The following MYO7B variants were observed in gnomAD, a reference collection of about 807,000 sequenced individuals.
The protein encoded by MYO7B is myosin VIIB, also known as unconventional myosin-VIIb.
MYO7B carries 212 observed loss-of-function variants against 259.7 expected under a neutral mutation model. The ratio of observed to expected loss-of-function variants is 0.82; its 90% CI spans 0.73 to 0.91. MYO7B has a LOEUF of 0.91. MYO7B is among the 40% of genes least tolerant of loss of function. The pLI is 0.00. For missense variants in MYO7B, 2,732 were observed against 2,813.5 expected, an observed-to-expected ratio of 0.97 and a Z score of 0.66; for synonymous variants, 1,197 against 1,166.4, an observed-to-expected ratio of 1.03 and a Z score of -0.54.
intron 18 of MYO7B, among the ~76,000 whole-genome samples, chr2:127,595,165 C>G (rs1679713206): frequency 6.6e-6 from 1 of 152,138 alleles, no homozygotes; most frequent in Non-Finnish European, 1.5e-5. Flanking sequence ...CTGATCTATT[C>G]AGGGATTCAC....
At chr2:127,608,995 T>C in intron 22 of MYO7B, 117 bp downstream of exon 22, 1 of 1,327,826 alleles carries the variant, frequency 7.5e-7, no homozygotes, top group Non-Finnish European at 1.0e-6. Context: ...GCCAAGTGTG[T>C]GCTGCAGCCC....
In MYO7B at chr2:127,597,412, C is replaced by G. The variant is rs1471566988; in HGVS notation, c.2339+856C>G. Among the ~76,000 whole-genome samples the G allele has an allele frequency of 6.6e-6, 1 of 152,162 alleles. No homozygotes were observed. The highest frequency in any genetic ancestry group is 1.5e-5 in the Non-Finnish European group (1 of 68,030). On this transcript the variant is annotated intron_variant, in intron 19 of 47. Coordinates refer to ENST00000409816, the MANE Select transcript of MYO7B (RefSeq NM_001393586.1). This position sits in a 1 kb window ranked among gnomAD's most constrained non-coding sequence, Gnocchi z 4.8. ...TTACCACCAGGATTCCTTCTGCGGC[C>G]TTGTTTAGCCACGCCCCCTCCCTCA... is the stretch of plus-strand genomic sequence containing the variant.
Position 127,627,179 on chromosome 2 carries a change from G to A in MYO7B, c.4334-5G>A, listed in dbSNP as rs1421391411. 1 of 1,606,714 alleles carries A rather than the reference G, an allele frequency of 6.2e-7. No homozygotes were observed. The highest frequency in any genetic ancestry group is 8.5e-7 in the Non-Finnish European group (1 of 1,176,818). On this transcript the variant is annotated splice_region_variant and splice_polypyrimidine_tract_variant and intron_variant, in intron 32 of 47. Transcript: ENST00000409816. This position sits in a 1 kb window ranked among gnomAD's most constrained non-coding sequence, Gnocchi z 5.6. ...AGCCTTCACACTGCCGTCTCTCCTG[G>A]CCAGGCCCCCGCCTGCCCAAGACGC...
chr2:127,570,060 G>A, intron 6 of MYO7B, 150 bp downstream of exon 6: 2 of 1,015,578 alleles, frequency 2.0e-6, no homozygotes, highest in Non-Finnish European at 2.7e-6. Flanking sequence ...GGGGTGCATG[G>A]TAGGGGAAGG....
chr2:127,612,668 A>T, intron 26 of MYO7B, 65 bp downstream of exon 26: 1 of 1,569,250 alleles, frequency 6.4e-7, no homozygotes, highest in Non-Finnish European at 8.6e-7. Flanking sequence ...CTCTCAGCCC[A>T]TGGCCACAGC....
At chr2:127,561,805 A>C (rs1678096553) in intron 2 of MYO7B, among the ~76,000 whole-genome samples, 2 of 152,214 alleles carry the variant, frequency 1.3e-5, no homozygotes, top group African/African-American at 4.8e-5. Flanking sequence ...GGACTGCCAT[A>C]ACAAGGTATC....
At chr2:127,602,497 C>T (rs1322896237) in intron 19 of MYO7B, among the ~76,000 whole-genome samples, 1 of 151,840 alleles carries the variant, frequency 6.6e-6, no homozygotes, top group African/African-American at 2.4e-5. Flanking sequence ...AAGAAAAATA[C>T]AAAAATTATC....
At position 127,623,239 on chromosome 2, in the gene MYO7B, T is replaced by C; in HGVS notation, c.3683T>C (p.Ile1228Thr). 1 of 1,613,656 alleles carries C rather than the reference T, an allele frequency of 6.2e-7. No homozygotes were observed. Among genetic ancestry groups the C allele is most frequent in the Non-Finnish European group, 8.5e-7 (1 of 1,179,782 alleles). Residue 1228 changes from isoleucine (I) to threonine (T), a missense_variant, in exon 29 of 48, where the codon ATC becomes ACC. By Grantham distance (89) the Ile-to-Thr change is moderately conservative. Transcript: ENST00000409816. ...KSKKHIPIQV[I>T]LATGESLTVP... is the part of the protein sequence containing the mutation. ...AAGAAGCACATCCCCATCCAAGTCA[T>C]CTTGGCCACTGGAGAGAGCCTAACC...
At chr2:127,606,512 G>C (rs1330479609) in intron 20 of MYO7B, among the ~76,000 whole-genome samples, 13 of 152,216 alleles carry the variant, frequency 8.5e-5, no homozygotes. Flanking sequence ...GTTCCTTGGG[G>C]CCTGTTGCTT....
At chr2:127,580,629 C>A in intron 9 of MYO7B, 117 bp from the exon 10 acceptor site, 2 of 1,000,174 alleles carry the variant, frequency 2.0e-6, no homozygotes, top group Non-Finnish European at 3.0e-6. Context: ...GTGGCTTACG[C>A]CAGGGCAGCT....
chr2:127,569,941 C>G (rs2104888240), intron 6 of MYO7B, 31 bp downstream of exon 6: 1 of 1,594,666 alleles, frequency 6.3e-7, no homozygotes, highest in East Asian at 2.3e-5. Context: ...CGCCCTTCTC[C>G]CCCAGCCCCC....
chr2:127,635,239 C>G lies in MYO7B; in HGVS notation c.5820+13C>G. The G allele has an allele frequency of 6.2e-7, 1 of 1,607,222 alleles. No individual in the cohort carries two copies. Among genetic ancestry groups the G allele is most frequent in the African/African-American group, 1.3e-5 (1 of 74,914 alleles). On this transcript the variant is annotated intron_variant, in intron 43 of 47. Transcript: ENST00000409816. Reference sequence around the variant, plus strand: ...CCATTACCACCAGGTACCGGGCAGGCTGCCCTGGTGGGCACTGGGGCCACC... The same window carrying G: ...CCATTACCACCAGGTACCGGGCAGGGTGCCCTGGTGGGCACTGGGGCCACC...
At chr2:127,571,780 A>G (rs575693875) in intron 6 of MYO7B, among the ~76,000 whole-genome samples, 4 of 152,160 alleles carry the variant, frequency 2.6e-5, no homozygotes, top group South Asian at 4.2e-4. Flanking sequence ...GTGCCTGGCC[A>G]TTAGTGAGTT....
intron 1 of MYO7B, among the ~76,000 whole-genome samples, chr2:127,550,147 A>T (rs1693392332): frequency 1.3e-5 from 2 of 152,170 alleles, no homozygotes; most frequent in South Asian, 4.1e-4. Flanking sequence ...GGGTCCCAGG[A>T]TTCACGAGCT....
At position 127,609,925 on chromosome 2, in the gene MYO7B, G is replaced by T. The variant is rs1297186344; in HGVS notation, c.3101G>T (p.Ser1034Ile). ...GAGCCAGTGCTGTATGCCAGGAGCA[G>T]CCAGCAGGGCAGCTCAGTGATGCGG... ...LPEPVLYARSSQQGSSVMRQI... is the reference protein window; with the variant it reads ...LPEPVLYARSIQQGSSVMRQI... Residue 1034 changes from serine (S) to isoleucine (I), a missense_variant, in exon 24 of 48, where the codon AGC becomes ATC. Physicochemically the swap from Ser to Ile is moderately radical, Grantham distance 142 (BLOSUM62 -2). Around this residue, in one of 3 missense-constraint regions of MYO7B, gnomAD observed 1,906 missense variants for 2,026.4 expected, o/e 0.94. Transcript: ENST00000409816. The surrounding 1 kb of genome is among the most constrained non-coding windows in gnomAD (Gnocchi z 6.9). The T allele has an allele frequency of 6.2e-7, 1 of 1,609,702 alleles. No individual in the cohort carries two copies. Among genetic ancestry groups the T allele is most frequent in the East Asian group, 2.2e-5 (1 of 44,668 alleles).
chr2:127,563,199 C>A (rs2104859319), intron 2 of MYO7B, among the ~76,000 whole-genome samples: 1 of 152,328 alleles, frequency 6.6e-6, no homozygotes, highest in South Asian at 2.1e-4. Flanking sequence ...TTGGTCACAA[C>A]TTCCTACTGC....
chr2:127,575,440 G>T (rs532141972), intron 7 of MYO7B, among the ~76,000 whole-genome samples: 56 of 152,056 alleles, frequency 3.7e-4, no homozygotes, highest in African/African-American at 1.3e-3. Context: ...AAAAGAGAAA[G>T]AATTTAAAAT....
chr2:127,612,889 C>T (rs1402801272), intron 26 of MYO7B, among the ~76,000 whole-genome samples: 1 of 152,196 alleles, frequency 6.6e-6, no homozygotes, highest in East Asian at 1.9e-4. Flanking sequence ...GAATGGCTTC[C>T]TCATTTATAT....
intron 1 of MYO7B, among the ~76,000 whole-genome samples, chr2:127,548,008 G>T (rs960966755): frequency 1.8e-4 from 28 of 152,110 alleles, no homozygotes; most frequent in African/African-American, 6.5e-4. Flanking sequence ...ATAGATACAG[G>T]ATTTTCAGAT....
Sources: gnomAD v4.1 joint callset for allele counts (sites outside exome capture counted in the v4.1 genomes callset) on GRCh38, gnomAD v4.1.1 for gene constraint, gnomAD v4.1.1 regional missense constraint, Gnocchi (gnomAD v3.1) non-coding constraint, MANE v1.5 for transcripts, NCBI Gene and HGNC (gene_info 2026-07-23, HGNC 2026-07-21) for gene names.